GALNT13: variants seen among roughly 807,000 people sequenced by gnomAD.
GALNT13 encodes polypeptide N-acetylgalactosaminyltransferase 13.
Under a neutral mutation model 64.2 loss-of-function variants are expected in GALNT13, and 28 were observed. The observed-to-expected ratio is 0.44, with a 90% CI of 0.32 to 0.60. The LOEUF (loss-of-function observed/expected upper bound fraction) is 0.60, where lower values mean the gene tolerates loss of function less well. Ranked by LOEUF, GALNT13 falls within the 20% of genes least tolerant of loss-of-function variation. GALNT13 has a pLI of 0.05. For synonymous variants in GALNT13, 214 were observed against 224.6 expected, an observed-to-expected ratio of 0.95 and a Z score of 0.42; for missense variants, 577 against 669.8, an observed-to-expected ratio of 0.86 and a Z score of 1.53.
intron 9 of GALNT13, among the ~76,000 whole-genome samples, chr2:154,393,924 A>G (rs2105357636): frequency 6.7e-6 from 1 of 150,236 alleles, no homozygotes; most frequent in South Asian, 2.1e-4. Context: ...TAAAAATACA[A>G]AAAATTAGCC....
the GALNT13 span, among the ~76,000 whole-genome samples, chr2:153,465,235 A>G: frequency 6.6e-6 from 1 of 152,082 alleles, no homozygotes; most frequent in East Asian, 1.9e-4. Context: ...GGTATGACAC[A>G]GTATGCAACT....
At chr2:153,196,221 A>T in the GALNT13 span, among the ~76,000 whole-genome samples, 1 of 152,068 alleles carries the variant, frequency 6.6e-6, no homozygotes, top group Admixed American at 6.5e-5. Context: ...CCAGGAGCCT[A>T]TCTGCCTCAT....
rs77242784 is a variant in GALNT13 at position 154,105,319 on chromosome 2, A to G, written c.143-35018A>G. ...AAATAGTCATGTACCACATAAGGAC[A>G]TTTCAGTCAAGAATGGGCTGATTAT... On this transcript the variant is annotated intron_variant, in intron 3 of 12. Coordinates refer to ENST00000392825, the MANE Select transcript of GALNT13 (RefSeq NM_052917.4). Among the ~76,000 whole-genome samples, 58 of 152,298 alleles carry G rather than the reference A, an allele frequency of 3.8e-4. No homozygotes were observed. The East Asian group carries it at 0.01, about 27-fold the overall frequency.
At chr2:153,381,777 G>C in the GALNT13 span, among the ~76,000 whole-genome samples, 4 of 152,088 alleles carry the variant, frequency 2.6e-5, no homozygotes, top group Non-Finnish European at 5.9e-5. Flanking sequence ...ATTGACATTT[G>C]ATTAAAGAGT....
At chr2:153,446,631 A>C in the GALNT13 span, among the ~76,000 whole-genome samples, 1 of 152,212 alleles carries the variant, frequency 6.6e-6, no homozygotes, top group Non-Finnish European at 1.5e-5. Flanking sequence ...TATTTTGAAT[A>C]CTACTTTCAA....
the GALNT13 span, among the ~76,000 whole-genome samples, chr2:153,505,510 G>C: frequency 6.6e-6 from 1 of 152,064 alleles, no homozygotes; most frequent in Non-Finnish European, 1.5e-5. Flanking sequence ...TTAATGCTAT[G>C]AATTTTCCTC....
intron 1 of GALNT13, among the ~76,000 whole-genome samples, chr2:153,883,702 T>A: frequency 6.6e-6 from 1 of 151,860 alleles, no homozygotes; most frequent in Non-Finnish European, 1.5e-5. Context: ...AAAGGGGACA[T>A]TATAGAATAT....
chr2:154,300,099 C>G (rs200001707), intron 8 of GALNT13, among the ~76,000 whole-genome samples: 1 of 117,042 alleles, frequency 8.5e-6, no homozygotes, highest in African/African-American at 3.2e-5. Flanking sequence ...TTCTTTCTCT[C>G]TTTTTTTTTT....
At chr2:153,400,052 G>T in the GALNT13 span, among the ~76,000 whole-genome samples, 172 of 151,792 alleles carry the variant, frequency 1.1e-3, 1 homozygote, top group African/African-American at 3.9e-3. Context: ...TATGATACTG[G>T]CTGTGGGTTT....
chr2:153,573,877 A>G, the GALNT13 span, among the ~76,000 whole-genome samples: 2 of 152,088 alleles, frequency 1.3e-5, no homozygotes, highest in African/African-American at 4.8e-5. Context: ...TAGTTTACAC[A>G]CCAGTTACAG....
chr2:154,123,880 G>GA (rs1443007746), intron 3 of GALNT13, among the ~76,000 whole-genome samples: 3 of 152,160 alleles, frequency 2.0e-5, no homozygotes, highest in Non-Finnish European at 4.4e-5. Context: ...GCTTCACACA[G>GA]AAGGAGCACA....
chr2:154,059,529 T>G, intron 3 of GALNT13, among the ~76,000 whole-genome samples: 1 of 152,188 alleles, frequency 6.6e-6, no homozygotes, highest in East Asian at 1.9e-4. Flanking sequence ...TATGCACCAT[T>G]ATGTTAAGCT....
the GALNT13 span, among the ~76,000 whole-genome samples, chr2:153,758,536 C>T: frequency 2.0e-5 from 3 of 151,998 alleles, no homozygotes; most frequent in Admixed American, 1.3e-4. Context: ...AATGAATTTA[C>T]ATTTCGGTAG....
At chr2:154,045,402 A>G (rs192806649) in intron 3 of GALNT13, among the ~76,000 whole-genome samples, 5 of 152,314 alleles carry the variant, frequency 3.3e-5, no homozygotes, top group Admixed American at 3.3e-4. Flanking sequence ...CAGATCAATA[A>G]TTGTATTCAT....
At chr2:153,095,085 A>G in the GALNT13 span, among the ~76,000 whole-genome samples, 2 of 152,162 alleles carry the variant, frequency 1.3e-5, no homozygotes, top group Non-Finnish European at 2.9e-5. Context: ...AGAAACTACC[A>G]TCAGAGTGAA....
intron 4 of GALNT13, among the ~76,000 whole-genome samples, chr2:154,156,643 A>C (rs1156553454): frequency 6.6e-6 from 1 of 152,180 alleles, no homozygotes; most frequent in East Asian, 1.9e-4. Context: ...AGGGTCATGC[A>C]GCTGACATTT....
intron 3 of GALNT13, among the ~76,000 whole-genome samples, chr2:154,080,450 C>T (rs1362764383): frequency 1.3e-5 from 2 of 151,508 alleles, no homozygotes; most frequent in African/African-American, 2.4e-5. Flanking sequence ...TTGAAATGCA[C>T]GAGGGCAGGA....
chr2:153,802,395 G>A, the GALNT13 span, among the ~76,000 whole-genome samples: 2,164 of 152,202 alleles, frequency 0.014, 53 homozygotes, highest in African/African-American at 0.05. Context: ...AGGATATTTG[G>A]TTTGGTTCGT....
At chr2:154,290,916 C>T (rs1401524008) in intron 8 of GALNT13, among the ~76,000 whole-genome samples, 1 of 151,510 alleles carries the variant, frequency 6.6e-6, no homozygotes, top group South Asian at 2.1e-4. Context: ...TTGCTCTTTC[C>T]GTCCAGAGCT....
Sources: allele counts gnomAD v4.1 joint callset (sites outside exome capture counted in the v4.1 genomes callset), GRCh38; gene constraint gnomAD v4.1.1; transcripts MANE v1.5; gene names NCBI Gene and HGNC (gene_info 2026-07-23, HGNC 2026-07-21).